EIF4G3: variants seen among roughly 807,000 people sequenced by gnomAD.
EIF4G3 encodes eukaryotic translation initiation factor 4 gamma 3.
Under a neutral mutation model 186.4 loss-of-function variants are expected in EIF4G3, and 34 were observed. That is an observed-to-expected ratio of 0.18 (90% CI 0.14 to 0.24). The LOEUF (loss-of-function observed/expected upper bound fraction) is 0.24, where lower values mean the gene tolerates loss of function less well. Ranked by LOEUF, EIF4G3 falls within the 10% of genes least tolerant of loss-of-function variation. The pLI, the probability that EIF4G3 is intolerant of heterozygous loss-of-function variation, is 1.00. For synonymous variants in EIF4G3, 673 were observed against 679.5 expected, an observed-to-expected ratio of 0.99 and a Z score of 0.15; for missense variants, 1,536 against 1,948.5, an observed-to-expected ratio of 0.79 and a Z score of 3.99.
intron 14 of EIF4G3, among the ~76,000 whole-genome samples, chr1:20,930,476 C>T (rs535744434): frequency 6.6e-6 from 1 of 152,322 alleles, no homozygotes; most frequent in East Asian, 1.9e-4. Context: ...AAACCATTTT[C>T]TTTGCTTACC....
intron 2 of EIF4G3, among the ~76,000 whole-genome samples, chr1:21,122,612 C>G (rs2102374970): frequency 6.6e-6 from 1 of 152,262 alleles, no homozygotes. Context: ...AGTTAGCACA[C>G]TGATACAGAA....
Position 20,920,399 on chromosome 1 carries a change from A to G in EIF4G3, c.1664-15428T>C, listed in dbSNP as rs552159667. 5.9e-5 allele frequency among the ~76,000 whole-genome samples: 9 copies of G among 152,308 alleles called. No homozygotes were observed. The East Asian group carries it at 1.7e-3, about 29-fold the overall frequency. On this transcript the variant is annotated intron_variant, in intron 14 of 36. Transcript: ENST00000602326. ...TGAGATAGCCTATTAATAAGGCATC[A>G]TTATGGCACAAAAGTAAGTAGAAAG... is the stretch of plus-strand genomic sequence containing the variant.
intron 25 of EIF4G3, 144 bp downstream of exon 25, chr1:20,857,259 T>C: frequency 1.5e-6 from 1 of 654,064 alleles, no homozygotes; most frequent in Non-Finnish European, 2.7e-6. Flanking sequence ...AACCACCCCA[T>C]GGATTTGCAA....
At chr1:20,813,672 A>G (rs2059732414) in intron 34 of EIF4G3, among the ~76,000 whole-genome samples, 1 of 151,702 alleles carries the variant, frequency 6.6e-6, no homozygotes, top group South Asian at 2.1e-4. Context: ...TTCGAGACCA[A>G]TCTGGCCAAC....
At chr1:21,126,038 TACA>T (rs2097034900) in intron 2 of EIF4G3, among the ~76,000 whole-genome samples, 1 of 151,496 alleles carries the variant, frequency 6.6e-6, no homozygotes, top group South Asian at 2.1e-4. Flanking sequence ...ACCGTGTCTC[TACA>T]ACAATTACAA....
chr1:20,860,085 G>C (rs1326164746), intron 24 of EIF4G3, among the ~76,000 whole-genome samples: 1 of 152,138 alleles, frequency 6.6e-6, no homozygotes, highest in African/African-American at 2.4e-5. Flanking sequence ...CTTTGAGAGG[G>C]AAGTAACTAC....
At chr1:20,970,939 G>A (rs1440813147) in intron 11 of EIF4G3, among the ~76,000 whole-genome samples, 7 of 152,210 alleles carry the variant, frequency 4.6e-5, no homozygotes, top group Middle Eastern at 3.2e-3. Flanking sequence ...ACTCCAGCCT[G>A]GGGGAAAAGA....
chr1:21,060,802 A>C (rs947377201), intron 3 of EIF4G3, among the ~76,000 whole-genome samples: 10 of 146,188 alleles, frequency 6.8e-5, no homozygotes, highest in East Asian at 3.9e-4. Context: ...AAAAAAAAAA[A>C]AACAAAGCTA....
chr1:21,018,740 C>A (rs2089929737), intron 4 of EIF4G3, among the ~76,000 whole-genome samples: 2 of 152,008 alleles, frequency 1.3e-5, no homozygotes, highest in South Asian at 4.2e-4. Flanking sequence ...TCACTTAGTT[C>A]CCTTAAGAAC....
intron 12 of EIF4G3, among the ~76,000 whole-genome samples, chr1:20,968,790 T>A (rs1051016726): frequency 6.6e-6 from 1 of 152,210 alleles, no homozygotes; most frequent in African/African-American, 2.4e-5. Context: ...ATATTATAAG[T>A]AATTTAGAGA....
intron 3 of EIF4G3, among the ~76,000 whole-genome samples, chr1:21,062,201 T>G (rs753277741): frequency 6.6e-6 from 1 of 151,682 alleles, no homozygotes; most frequent in Non-Finnish European, 1.5e-5. Flanking sequence ...TAAAACTACA[T>G]GTGTGTGCCA....
chr1:20,893,296 A>G, intron 18 of EIF4G3: 1 of 398,404 alleles, frequency 2.5e-6, no homozygotes, highest in Non-Finnish European at 4.2e-6. Flanking sequence ...GGAAAAAAAA[A>G]ATCAAGACCA....
chr1:21,062,873 G>A (rs1256978024), intron 3 of EIF4G3, among the ~76,000 whole-genome samples: 3 of 152,156 alleles, frequency 2.0e-5, no homozygotes, highest in African/African-American at 7.2e-5. Context: ...TTACAGGCGT[G>A]AGCCACGGTG....
At chr1:21,123,418 G>A (rs945183513) in intron 2 of EIF4G3, among the ~76,000 whole-genome samples, 1 of 151,746 alleles carries the variant, frequency 6.6e-6, no homozygotes, top group African/African-American at 2.4e-5. Flanking sequence ...CAAAAAATTA[G>A]CTGGCTTTGG....
intron 14 of EIF4G3, among the ~76,000 whole-genome samples, chr1:20,918,281 C>T (rs1408327671): frequency 6.6e-6 from 1 of 152,174 alleles, no homozygotes; most frequent in African/African-American, 2.4e-5. Flanking sequence ...GCAGTCACGG[C>T]TCACTACACT....
intron 12 of EIF4G3, among the ~76,000 whole-genome samples, chr1:20,966,560 C>T (rs888892473): frequency 1.3e-5 from 2 of 151,838 alleles, no homozygotes; most frequent in African/African-American, 2.4e-5. Context: ...CAACCTCTGC[C>T]TCCCGGGTTC....
intron 36 of EIF4G3, among the ~76,000 whole-genome samples, chr1:20,809,743 G>C (rs2058855453): frequency 6.6e-6 from 1 of 152,122 alleles, no homozygotes; most frequent in Non-Finnish European, 1.5e-5. Context: ...GAAGCTATTA[G>C]TCAAACATGG....
intron 4 of EIF4G3, among the ~76,000 whole-genome samples, chr1:21,025,940 TG>T (rs756021658): frequency 1.3e-5 from 2 of 152,182 alleles, no homozygotes; most frequent in African/African-American, 4.8e-5. Context: ...GTTCATGAAC[TG>T]GAAGATTTAA....
At chr1:21,008,498 G>A (rs533110011) in intron 4 of EIF4G3, among the ~76,000 whole-genome samples, 4 of 152,004 alleles carry the variant, frequency 2.6e-5, no homozygotes, top group South Asian at 4.2e-4. Flanking sequence ...CACCACGCCC[G>A]GCTAATTTTT....
Sources: gnomAD v4.1 joint callset for allele counts (sites outside exome capture counted in the v4.1 genomes callset) on GRCh38, gnomAD v4.1.1 for gene constraint, MANE v1.5 for transcripts, NCBI Gene and HGNC (gene_info 2026-07-23, HGNC 2026-07-21) for gene names.